Variants in FMNL1 observed in about 807,000 individuals in gnomAD.
The protein encoded by FMNL1 is formin-like protein 1.
A neutral mutation model predicts 121.3 loss-of-function variants in FMNL1; 43 were observed. The ratio of observed to expected loss-of-function variants is 0.35; its 90% confidence interval spans 0.28 to 0.46. FMNL1 has a LOEUF of 0.46. FMNL1 is among the 20% of genes least tolerant of loss of function. The pLI is 1.00. For missense variants in FMNL1, 1,191 were observed against 1,482.4 expected (o/e 0.80, Z 3.23); for synonymous variants, 613 against 613.5 (o/e 1.00, Z 0.01).
intron 16 of FMNL1, 133 bp from the exon 17 acceptor site, chr17:45,242,985 G>A: frequency 2.1e-6 from 2 of 951,740 alleles, no homozygotes; most frequent in Admixed American, 2.2e-5. Context: ...CAGGGCCTGT[G>A]GTCAGGCTGG....
At chr17:45,227,661 C>G (rs1306069947) in intron 1 of FMNL1, among the ~76,000 whole-genome samples, 1 of 152,178 alleles carries the variant, frequency 6.6e-6, no homozygotes, top group Non-Finnish European at 1.5e-5. Context: ...CATCCCCTAC[C>G]CTGGGGTCTT....
In FMNL1 at chr17:45,242,127, C is replaced by T. The variant is rs1249271030; in HGVS notation, c.1866C>T (p.Arg622=). The T allele has an allele frequency of 1.3e-6, 2 of 1,540,868 alleles. No homozygotes were observed. The highest frequency in any genetic ancestry group is 8.7e-7 in the Non-Finnish European group (1 of 1,143,930). Residue 622 remains arginine (R), a synonymous_variant, in exon 15 of 27, where the codon CGC becomes CGT. Transcript: ENST00000331495. ...PGGPPDALGR[R]DSELGPGVKA... ...GTCCTCCTGATGCCCTAGGAAGACG[C>T]GACTCAGAATTGGGCCCAGGTGAGT...
In FMNL1 at chr17:45,241,216, T is replaced by C. The variant is rs757758820; in HGVS notation, c.1318T>C (p.Leu440=). 5.0e-6 allele frequency: 8 copies of C among 1,613,284 alleles called. No individual in the cohort carries two copies. The African/African-American group carries it at 8.0e-5, about 16-fold the overall frequency. ...ACAGCTAAGCCAGGCGCGCAAGGAG[T>C]TGGAGACCCTGCGGGTGAGGCTGGG... ...EKQLSQARKE[L]ETLRERFSES... The change falls in exon 13 of 27, where the codon TTG becomes CTG. Residue 440 remains leucine (L), a synonymous_variant. Coordinates refer to ENST00000331495, the MANE Select transcript of FMNL1 (RefSeq NM_005892.4). The surrounding 1 kb of genome is among the most constrained non-coding windows in gnomAD (Gnocchi z 7.0).
At chr17:45,232,300 G>T in intron 2 of FMNL1, 67 bp from the exon 3 acceptor site, 1 of 1,439,014 alleles carries the variant, frequency 6.9e-7, no homozygotes, top group South Asian at 1.2e-5. Flanking sequence ...ACACTGGGAC[G>T]AGAACTGGTC....
chr17:45,224,377 C>T (rs2043291507), intron 1 of FMNL1, among the ~76,000 whole-genome samples: 9 of 152,140 alleles, frequency 5.9e-5, no homozygotes, highest in Admixed American at 5.9e-4. Context: ...GCTATGTGAA[C>T]CCCCACCCGA....
chr17:45,234,674 A>G (rs1172439828), intron 6 of FMNL1: 4 of 146,510 alleles, frequency 2.7e-5, no homozygotes, highest in African/African-American at 9.2e-5. Flanking sequence ...AAAAAAAAAA[A>G]AAAAAAAAAA....
At chr17:45,245,160 G>T (rs749607342) in intron 21 of FMNL1, 52 bp downstream of exon 21, 3 of 1,610,344 alleles carry the variant, frequency 1.9e-6, no homozygotes, top group African/African-American at 1.3e-5. Context: ...GGCTGGGGTA[G>T]GTTGGGAGAA....
At position 45,241,875 on chromosome 17, in the gene FMNL1, C is replaced by G. The variant is rs748890268; in HGVS notation, c.1614C>G (p.Pro538=). Residue 538 remains proline (P), a synonymous_variant, in exon 15 of 27, where the codon CCC becomes CCG. Coordinates refer to ENST00000331495, the MANE Select transcript of FMNL1 (RefSeq NM_005892.4). The surrounding 1 kb of genome is among the most constrained non-coding windows in gnomAD (Gnocchi z 7.0). ...TCGCACCTGCAGCAGAGCCGGCTCCCGGAGCAGCGCCACCGCCGCCGCCCC... is the reference window on the plus strand; with the variant it reads ...TCGCACCTGCAGCAGAGCCGGCTCCGGGAGCAGCGCCACCGCCGCCGCCCC... ...PDLAPAAEPA[P]GAAPPPPPPL... 4 of 1,434,636 alleles carry G rather than the reference C, an allele frequency of 2.8e-6. No homozygotes were observed. The highest frequency in any genetic ancestry group is 2.9e-5 in the Admixed American group (1 of 34,780). The allele number at this position is 1,434,636 out of a possible 1,614,324, so 88.9% of individuals were successfully genotyped here. A position where few individuals can be genotyped will look rare whatever the true frequency, so the allele number is the denominator to read the frequency against.
chr17:45,242,491 T>C (rs1195253543), intron 16 of FMNL1, 26 bp downstream of exon 16: 6 of 1,605,632 alleles, frequency 3.7e-6, no homozygotes, highest in Admixed American at 1.7e-5. Context: ...TGGCTCCCCA[T>C]GTGGGCACCG....
intron 1 of FMNL1, among the ~76,000 whole-genome samples, chr17:45,230,389 C>T (rs1174184397): frequency 6.6e-6 from 1 of 152,174 alleles, no homozygotes; most frequent in Non-Finnish European, 1.5e-5. Context: ...TCAAATCCTG[C>T]TCTCCCTTCT....
chr17:45,244,444 C>T (rs982554875), intron 19 of FMNL1, among the ~76,000 whole-genome samples, 200 bp downstream of exon 19: 1 of 152,220 alleles, frequency 6.6e-6, no homozygotes, highest in African/African-American at 2.4e-5. Flanking sequence ...GGGACCCTGC[C>T]GGAGGGCTCA....
At chr17:45,236,334 G>C in intron 7 of FMNL1, 90 bp downstream of exon 7, 1 of 1,086,712 alleles carries the variant, frequency 9.2e-7, no homozygotes, top group Non-Finnish European at 1.4e-6. Flanking sequence ...GGGATCCACT[G>C]TCCCTTTACC....
At chr17:45,242,579 G>A (rs990313033) in intron 16 of FMNL1, 114 bp downstream of exon 16, 2 of 1,462,354 alleles carry the variant, frequency 1.4e-6, no homozygotes, top group East Asian at 2.5e-5. Flanking sequence ...CAGATGAGGA[G>A]GGGGAGGCCC....
Position 45,237,466 on chromosome 17 carries a change from T to G in FMNL1, c.801-80T>G. ...GAGGCTCATTCTGCACCCACTATGC[T>G]CCTCCTAGCCAGGCCTGTGCCCACC... On this transcript the variant is annotated intron_variant, in intron 8 of 26. Coordinates refer to ENST00000331495, the MANE Select transcript of FMNL1 (RefSeq NM_005892.4). The surrounding 1 kb of genome is among the most constrained non-coding windows in gnomAD (Gnocchi z 4.4). 6.2e-7 allele frequency: 1 copy of G among 1,607,586 alleles called. No homozygotes were observed.
Position 45,237,235 on chromosome 17 carries a change from C to T in FMNL1, c.724-46C>T, listed in dbSNP as rs372821100. The T allele has an allele frequency of 6.9e-6, 11 of 1,598,400 alleles. No individual in the cohort carries two copies. The Admixed American group carries it at 1.7e-4, about 24-fold the overall frequency. ...TCCACGTGGCGTGGGTGCCTGAAGT[C>T]CTGGGGGGCCCTTCCTGGAGACACT... On this transcript the variant is annotated intron_variant, in intron 7 of 26. Transcript: ENST00000331495. This position sits in a 1 kb window ranked among gnomAD's most constrained non-coding sequence, Gnocchi z 4.4.
chr17:45,234,185 G>A lies in FMNL1; in HGVS notation c.599G>A (p.Arg200His), dbSNP rs373132848. ...KGPPSSVPKS[R>H]HLTIKLTPAH... ...CCACCCTCCTCCGTGCCCAAAAGCC[G>A]CCACCTGACCATCAAGTATGTGGGC... The change falls in exon 6 of 27, where the codon CGC (arginine) becomes CAC (histidine). Residue 200 changes from arginine (R) to histidine (H), a missense_variant. Coordinates refer to ENST00000331495, the MANE Select transcript of FMNL1 (RefSeq NM_005892.4). 49 of 1,614,082 alleles carry A rather than the reference G, an allele frequency of 3.0e-5. No individual in the cohort carries two copies. In the African/African-American group the frequency reaches 3.9e-4, roughly 13 times the overall value.
At chr17:45,225,809 A>G (rs2043318435) in intron 1 of FMNL1, among the ~76,000 whole-genome samples, 1 of 152,154 alleles carries the variant, frequency 6.6e-6, no homozygotes, top group South Asian at 2.1e-4. Flanking sequence ...TGGACAAGTT[A>G]CTTAACTTCT....
In FMNL1 at chr17:45,245,724, G is replaced by C; in HGVS notation, c.2985G>C (p.Lys995Asn). 1 of 1,614,138 alleles carries C rather than the reference G, an allele frequency of 6.2e-7. No homozygotes were observed. The highest frequency in any genetic ancestry group is 1.7e-5 in the Admixed American group (1 of 60,022). ...LFFSLFSRFIKAYKKAEQEVE... is the reference protein window; with the variant it reads ...LFFSLFSRFINAYKKAEQEVE... ...TCTCCCTCTTTAGCCGCTTCATTAAGGCCTACAAGGTATTCGGGTCTGGGG... is the reference window on the plus strand; with the variant it reads ...TCTCCCTCTTTAGCCGCTTCATTAACGCCTACAAGGTATTCGGGTCTGGGG... The change falls in exon 23 of 27, where the codon AAG becomes AAC. Residue 995 changes from lysine to asparagine, a missense_variant. Lys to Asn is a moderately conservative substitution (Grantham distance 94, BLOSUM62 0). Around this residue, in one of 4 missense-constraint regions of FMNL1, gnomAD observed 367 missense variants for 528.6 expected, o/e 0.69. Coordinates refer to ENST00000331495, the MANE Select transcript of FMNL1 (RefSeq NM_005892.4).
chr17:45,234,330 G>T, intron 6 of FMNL1, 130 bp downstream of exon 6: 1 of 1,489,216 alleles, frequency 6.7e-7, no homozygotes, highest in Non-Finnish European at 9.1e-7. Flanking sequence ...GTCCGAGTAA[G>T]GGACTCATAC....
Sources: gnomAD v4.1 joint callset for allele counts (sites outside exome capture counted in the v4.1 genomes callset) on GRCh38, gnomAD v4.1.1 for gene constraint, gnomAD v4.1.1 regional missense constraint, Gnocchi (gnomAD v3.1) non-coding constraint, MANE v1.5 for transcripts, NCBI Gene and HGNC (gene_info 2026-07-23, HGNC 2026-07-21) for gene names.